VPS13C: variants seen among roughly 807,000 people sequenced by gnomAD.
The protein encoded by VPS13C is intermembrane lipid transfer protein VPS13C.
Under a neutral mutation model 456.8 loss-of-function variants are expected in VPS13C, and 358 were observed. That is an observed-to-expected ratio of 0.78 (90% CI 0.72 to 0.86). The LOEUF (loss-of-function observed/expected upper bound fraction) is 0.86. VPS13C is among the 40% of genes least tolerant of loss of function. The probability of loss-of-function intolerance (pLI) is 0.00; values close to 1 mark genes in which losing one functional copy is unlikely to be tolerated. For missense variants in VPS13C, 4,818 were observed against 4,385.4 expected (o/e 1.10, Z -2.79); for synonymous variants, 1,578 against 1,486.7 (o/e 1.06, Z -1.41).
At chr15:61,952,456 C>A (rs2044832462) in intron 38 of VPS13C, among the ~76,000 whole-genome samples, 1 of 152,068 alleles carries the variant, frequency 6.6e-6, no homozygotes, top group Non-Finnish European at 1.5e-5. Context: ...GGAGAACAAT[C>A]ATAATATATA....
rs145670690 is a variant in VPS13C, at chr15:61,915,725, G to T, written c.8353C>A (p.Arg2785Ser). 3 of 1,614,040 alleles carry T rather than the reference G, an allele frequency of 1.9e-6. No homozygotes were observed. In the East Asian group the frequency reaches 6.7e-5, roughly 36 times the overall value. The change falls in exon 61 of 85, where the codon CGT (arginine) becomes AGT (serine). Residue 2785 changes from arginine to serine, a missense_variant. Arg to Ser is a moderately radical substitution (Grantham distance 110). This residue lies in a region of VPS13C where 4,552 missense variants were observed against 4,130.6 expected (regional missense o/e 1.10). Transcript: ENST00000644861. ...INKTTRVLQY[R>S]SEDIHVKHPA... ...TGTTTCACATGAATATCTTCTGAAC[G>T]ATACTGGAGAACCCGGGTAGTCTTG...
At position 61,991,648 on chromosome 15, in the gene VPS13C, A is replaced by G. The variant is rs1338518439; in HGVS notation, c.1483+25T>C. On this transcript the variant is annotated intron_variant, in intron 17 of 84. Transcript: ENST00000644861. ...TTTTTTTTTAACTTAACACTGTACA[A>G]TAAGTTATTTGACTTGGAACTTACT... 8.7e-6 allele frequency: 14 copies of G among 1,608,180 alleles called. No homozygotes were observed. The African/African-American group carries it at 1.3e-4, about 15-fold the overall frequency.
intron 49 of VPS13C, 69 bp from the exon 50 acceptor site, chr15:61,931,328 T>C: frequency 1.4e-6 from 2 of 1,425,066 alleles, no homozygotes; most frequent in Non-Finnish European, 1.9e-6. Context: ...TTAAACATAT[T>C]ACTTAATTCA....
At chr15:62,043,665 A>G (rs2048311251) in intron 2 of VPS13C, among the ~76,000 whole-genome samples, 1 of 152,156 alleles carries the variant, frequency 6.6e-6, no homozygotes, top group Admixed American at 6.6e-5. Flanking sequence ...ATTAAACAAT[A>G]AACTCATTAA....
rs777610317 is a variant in VPS13C at position 61,927,160 on chromosome 15, A to G, written c.6447T>C (p.Ala2149=). The stretch of plus-strand genomic sequence containing the variant: ...CGAGCACTTTCAGATCTCTCACAGA[A>G]GCTTCCATCATCTGTTCGAGTTTGG... The part of the protein sequence containing the change: ...STSKLEQMME[A]SVRDLKVLAC... Residue 2149 remains alanine, a synonymous_variant, in exon 52 of 85, where the codon GCT becomes GCC. Transcript: ENST00000644861. The G allele has an allele frequency of 6.2e-7, 1 of 1,614,196 alleles. No individual in the cohort carries two copies. Among genetic ancestry groups the G allele is most frequent in the South Asian group, 1.1e-5 (1 of 91,084 alleles).
intron 16 of VPS13C, among the ~76,000 whole-genome samples, chr15:61,995,103 A>T (rs1330804256): frequency 3.3e-5 from 5 of 152,124 alleles, no homozygotes; most frequent in Non-Finnish European, 7.4e-5. Context: ...ATGCTCTCTC[A>T]TTCCTATCAA....
At chr15:61,952,069 T>A in intron 38 of VPS13C, 89 bp from the exon 39 acceptor site, 1 of 1,442,568 alleles carries the variant, frequency 6.9e-7, no homozygotes, top group Non-Finnish European at 9.4e-7. Context: ...CAGAGTGATA[T>A]AAGGAAGAAA....
At chr15:62,019,403 C>T (rs2047375583) in intron 9 of VPS13C, among the ~76,000 whole-genome samples, 2 of 152,084 alleles carry the variant, frequency 1.3e-5, no homozygotes, top group Non-Finnish European at 1.5e-5. Context: ...TTAGATCCTT[C>T]CTGCTTTCTC....
At chr15:61,979,885 A>T (rs2045821629) in intron 22 of VPS13C, among the ~76,000 whole-genome samples, 1 of 152,064 alleles carries the variant, frequency 6.6e-6, no homozygotes, top group South Asian at 2.1e-4. Context: ...AAGAATTATA[A>T]TAAGAGATGA....
chr15:61,871,860 A>G, intron 79 of VPS13C, 129 bp downstream of exon 79: 1 of 767,882 alleles, frequency 1.3e-6, no homozygotes. Flanking sequence ...TGAGCAACTT[A>G]AGGCTACGAA....
intron 66 of VPS13C, among the ~76,000 whole-genome samples, chr15:61,893,136 T>C (rs560732141): frequency 1.9e-4 from 29 of 152,252 alleles, no homozygotes; most frequent in African/African-American, 6.0e-4. Flanking sequence ...AGGTCACAGA[T>C]GACCAAACGG....
chr15:61,965,426 T>TAG (rs2045348610), intron 30 of VPS13C, among the ~76,000 whole-genome samples: 1 of 151,898 alleles, frequency 6.6e-6, no homozygotes, highest in African/African-American at 2.4e-5. Flanking sequence ...GCAATCACTC[T>TAG]AGGAAGCTAA....
intron 16 of VPS13C, among the ~76,000 whole-genome samples, chr15:61,999,894 A>G (rs1458574931): frequency 7.5e-6 from 1 of 133,748 alleles, no homozygotes; most frequent in African/African-American, 2.6e-5. Context: ...AAGAGGAAAC[A>G]AAGAAAAAGT....
At chr15:62,006,116 T>A (rs1392766170) in intron 15 of VPS13C, among the ~76,000 whole-genome samples, 8 of 151,900 alleles carry the variant, frequency 5.3e-5, no homozygotes. Flanking sequence ...TTTTTATTAT[T>A]ATTATACTTT....
intron 67 of VPS13C, among the ~76,000 whole-genome samples, chr15:61,885,498 A>C (rs370191699): frequency 9.9e-5 from 15 of 152,214 alleles, no homozygotes; most frequent in African/African-American, 3.6e-4. Flanking sequence ...AACCCATCAA[A>C]CTGCTGTGTG....
chr15:62,054,815 AAAT>A (rs1353573292), intron 1 of VPS13C, among the ~76,000 whole-genome samples: 4 of 152,214 alleles, frequency 2.6e-5, no homozygotes, highest in African/African-American at 9.6e-5. Context: ...ATCCTTATGA[AAAT>A]AAAACAAAGA....
At chr15:61,995,260 A>G (rs1318177885) in intron 16 of VPS13C, among the ~76,000 whole-genome samples, 1 of 152,218 alleles carries the variant, frequency 6.6e-6, no homozygotes, top group Non-Finnish European at 1.5e-5. Context: ...TCTACCCGAG[A>G]CTTTGAAAAG....
rs546787537 is a variant in VPS13C at position 61,982,487 on chromosome 15, C to T, written c.2001G>A (p.Leu667=). The T allele has an allele frequency of 6.2e-7, 1 of 1,608,118 alleles. No individual in the cohort carries two copies. The highest frequency in any genetic ancestry group is 1.3e-5 in the African/African-American group (1 of 74,976). ...TAGCTGTTCTCTCCTTAATTTCTTCCAGCTTCATCAATGTTGCTGATGTTA... is the reference window on the plus strand; with the variant it reads ...TAGCTGTTCTCTCCTTAATTTCTTCTAGCTTCATCAATGTTGCTGATGTTA... The part of the protein sequence containing the change: ...EQITSATLMK[L]EEIKERTATG... The change falls in exon 21 of 85, where the codon CTG becomes CTA. Residue 667 remains leucine, a synonymous_variant. Transcript: ENST00000644861.
At chr15:62,058,764 G>A (rs772719931) in intron 1 of VPS13C, among the ~76,000 whole-genome samples, 3 of 152,038 alleles carry the variant, frequency 2.0e-5, no homozygotes, top group Non-Finnish European at 4.4e-5. Context: ...ATTAAAAACA[G>A]GCTCTTGCCA....
Sources: gnomAD v4.1 joint callset for allele counts (sites outside exome capture counted in the v4.1 genomes callset) on GRCh38, gnomAD v4.1.1 for gene constraint, gnomAD v4.1.1 regional missense constraint, MANE v1.5 for transcripts, NCBI Gene and HGNC (gene_info 2026-07-23, HGNC 2026-07-21) for gene names.